WDR49: variants seen among roughly 807,000 people sequenced by gnomAD.
WDR49 encodes the protein cilia- and flagella-associated protein 337.
WDR49 carries 107 observed loss-of-function variants against 119.5 expected under a neutral mutation model. That is an observed-to-expected ratio of 0.90 (90% CI 0.77 to 1.05). WDR49 has a LOEUF of 1.05. Ranked by LOEUF, WDR49 falls within the 50% of genes least tolerant of loss-of-function variation. The pLI is 0.00. For synonymous variants in WDR49, 425 were observed against 418.8 expected (o/e 1.01, Z -0.18); for missense variants, 1,240 against 1,220.5 (o/e 1.02, Z -0.24).
At chr3:167,562,827 C>G (rs753794480) in intron 8 of WDR49, among the ~76,000 whole-genome samples, 3 of 152,214 alleles carry the variant, frequency 2.0e-5, no homozygotes, top group Non-Finnish European at 4.4e-5. Context: ...CAGAAATATT[C>G]ATAGTAACTA....
At chr3:167,607,971 G>A (rs1006366653) in intron 5 of WDR49, among the ~76,000 whole-genome samples, 41 of 152,238 alleles carry the variant, frequency 2.7e-4, no homozygotes, top group African/African-American at 8.2e-4. Flanking sequence ...AAGGGAGGAC[G>A]GGAGGAAGTG....
Position 167,621,467 on chromosome 3 carries a change from C to A in WDR49, c.783G>T (p.Lys261Asn), listed in dbSNP as rs761528834. 2.0e-6 allele frequency: 3 copies of A among 1,526,944 alleles called. No homozygotes were observed. Among genetic ancestry groups the A allele is most frequent in the South Asian group, 2.4e-5 (2 of 82,154 alleles). The allele number at this position is 1,526,944 out of a possible 1,614,324, so 94.6% of individuals were successfully genotyped here. A position where few individuals can be genotyped will look rare whatever the true frequency, so the allele number is the denominator to read the frequency against. Residue 261 changes from lysine (K) to asparagine (N), a missense_variant and splice_region_variant, in exon 4 of 19, where the codon AAG becomes AAT. By Grantham distance (94) the Lys-to-Asn change is moderately conservative. Transcript: ENST00000682715. ...TCAATCTTAATCTACCCTCACTTAC[C>A]TTTCCAGTTATATCCCCAAAAGAAA... Reference protein sequence around the residue: ...SILSFGDITGKVQAIAFTAAL... With the variant: ...SILSFGDITGNVQAIAFTAAL...
intron 16 of WDR49, among the ~76,000 whole-genome samples, chr3:167,512,591 C>A (rs1358921246): frequency 6.6e-6 from 1 of 152,112 alleles, no homozygotes; most frequent in Non-Finnish European, 1.5e-5. Context: ...AGAAACGGCA[C>A]AGAACTGGGC....
At chr3:167,623,737 A>G (rs1324837461) in intron 3 of WDR49, among the ~76,000 whole-genome samples, 2 of 152,046 alleles carry the variant, frequency 1.3e-5, no homozygotes, top group African/African-American at 2.4e-5. Context: ...TAAAATATCA[A>G]TATTAAAAAG....
At chr3:167,628,983 C>T (rs2108328788) in intron 2 of WDR49, among the ~76,000 whole-genome samples, 1 of 152,212 alleles carries the variant, frequency 6.6e-6, no homozygotes, top group Admixed American at 6.5e-5. Context: ...TCTGGCTGGG[C>T]ACAGTGGCTC....
intron 7 of WDR49, among the ~76,000 whole-genome samples, chr3:167,595,041 T>C (rs1389303838): frequency 1.3e-5 from 2 of 149,300 alleles, no homozygotes; most frequent in Non-Finnish European, 3.0e-5. Flanking sequence ...AAAATCAATG[T>C]ACAAAAATCA....
intron 7 of WDR49, among the ~76,000 whole-genome samples, chr3:167,580,970 T>C (rs1182733186): frequency 6.6e-6 from 1 of 152,160 alleles, no homozygotes; most frequent in African/African-American, 2.4e-5. Context: ...CCACAAAGTT[T>C]TATTTAAATT....
At chr3:167,510,459 G>A (rs1247127290) in intron 16 of WDR49, among the ~76,000 whole-genome samples, 2 of 151,972 alleles carry the variant, frequency 1.3e-5, no homozygotes, top group African/African-American at 4.8e-5. Flanking sequence ...TTTTTTAGAA[G>A]TTTTTTAAAG....
chr3:167,653,180 TA>T, intron 2 of WDR49, 80 bp downstream of exon 2: 1 of 1,459,898 alleles, frequency 6.8e-7, no homozygotes, highest in Non-Finnish European at 9.2e-7. Flanking sequence ...TTTTAATGCT[TA>T]AAGAAAAATA....
chr3:167,644,156 G>T (rs774643801), intron 2 of WDR49, among the ~76,000 whole-genome samples: 1 of 150,766 alleles, frequency 6.6e-6, no homozygotes, highest in Non-Finnish European at 1.5e-5. Flanking sequence ...TTCAATGGAA[G>T]GAAATTAATG....
At chr3:167,563,396 G>A (rs182062071) in intron 8 of WDR49, among the ~76,000 whole-genome samples, 1 of 144,882 alleles carries the variant, frequency 6.9e-6, no homozygotes, top group Non-Finnish European at 1.5e-5. Context: ...CCTGATTTTA[G>A]ATGCACATTG....
In WDR49 at chr3:167,602,260, T is replaced by C; in HGVS notation, c.1142A>G (p.Asn381Ser). 1 of 1,581,590 alleles carries C rather than the reference T, an allele frequency of 6.3e-7. No individual in the cohort carries two copies. The highest frequency in any genetic ancestry group is 1.1e-5 in the South Asian group (1 of 87,202). Reference protein sequence around the residue: ...RLNLIATAGINNKVCLWNPYV... With the variant: ...RLNLIATAGISNKVCLWNPYV... ...GGGATTCCAAAGGCAAACTTTATTG[T>C]TAATGCCAGCAGTTGCTAATCAGAA... The change falls in exon 7 of 19, where the codon AAC (asparagine) becomes AGC (serine). Residue 381 changes from asparagine to serine, a missense_variant. Coordinates refer to ENST00000682715, the MANE Select transcript of WDR49 (RefSeq NM_001366157.1).
chr3:167,589,127 T>C (rs1334189675), intron 7 of WDR49, among the ~76,000 whole-genome samples: 1 of 152,156 alleles, frequency 6.6e-6, no homozygotes, highest in Non-Finnish European at 1.5e-5. Flanking sequence ...TGACAAGATT[T>C]AGGTGTCTAA....
chr3:167,563,093 G>A (rs1241205016), intron 8 of WDR49, among the ~76,000 whole-genome samples: 1 of 152,088 alleles, frequency 6.6e-6, no homozygotes. Context: ...AGGGCCGGGC[G>A]CGGTGGCTCA....
intron 16 of WDR49, among the ~76,000 whole-genome samples, chr3:167,520,733 T>G (rs1453683972): frequency 6.6e-6 from 1 of 152,170 alleles, no homozygotes; most frequent in Non-Finnish European, 1.5e-5. Context: ...TACAAAAGTA[T>G]TTCTACATGC....
Position 167,627,228 on chromosome 3 carries a change from A to G in WDR49, c.230T>C (p.Ile77Thr), listed in dbSNP as rs914518262. Residue 77 changes from isoleucine (I) to threonine (T), a missense_variant, in exon 3 of 19, where the codon ATT becomes ACT. By Grantham distance (89) the Ile-to-Thr change is moderately conservative. Transcript: ENST00000682715. Reference protein sequence around the residue: ...REDFTQKMTEIVGWGTKEEYG... With the variant: ...REDFTQKMTETVGWGTKEEYG... ...TTCTTCCTTCGTGCCCCAACCAACA[A>G]TCTCTGTCATCTTCTGCGTGAAGTC... 8.8e-6 allele frequency: 11 copies of G among 1,251,288 alleles called. No individual in the cohort carries two copies. Among genetic ancestry groups the G allele is most frequent in the Non-Finnish European group, 1.1e-5 (11 of 997,936 alleles). The allele number at this position is 1,251,288 out of a possible 1,614,324, so 77.5% of individuals were successfully genotyped here. A position where few individuals can be genotyped will look rare whatever the true frequency, so the allele number is the denominator to read the frequency against.
At chr3:167,656,212 C>T (rs1388263858), upstream of WDR49, among the ~76,000 whole-genome samples, 1 of 152,106 alleles carries the variant, frequency 6.6e-6, no homozygotes, top group Non-Finnish European at 1.5e-5. Flanking sequence ...TTCGATAAGT[C>T]CTTCTTGTAA....
chr3:167,545,710 G>A (rs905128989), intron 10 of WDR49, among the ~76,000 whole-genome samples: 8 of 150,076 alleles, frequency 5.3e-5, no homozygotes, highest in African/African-American at 1.9e-4. Context: ...GGGTACTTGC[G>A]GGGAAGGGTG....
At chr3:167,540,590 C>T (rs985326905) in intron 10 of WDR49, among the ~76,000 whole-genome samples, 1 of 152,100 alleles carries the variant, frequency 6.6e-6, no homozygotes, top group African/African-American at 2.4e-5. Context: ...GAATAGTCTA[C>T]CTGAATGAGA....
Sources: allele counts gnomAD v4.1 joint callset (sites outside exome capture counted in the v4.1 genomes callset), GRCh38; gene constraint gnomAD v4.1.1; transcripts MANE v1.5; gene names NCBI Gene and HGNC (gene_info 2026-07-23, HGNC 2026-07-21).